Variants in TBCK observed in about 807,000 individuals in gnomAD.
TBCK encodes TBC domain-containing protein kinase-like protein.
TBCK carries 99 observed loss-of-function variants against 113.4 expected under a neutral mutation model. That is an observed-to-expected ratio of 0.87 (90% CI 0.74 to 1.03). TBCK has a LOEUF of 1.03. Among genes scored for constraint, TBCK ranks in the 50% least tolerant of loss-of-function variants. The pLI is 0.00. For missense variants in TBCK, 1,045 were observed against 1,061.3 expected, an observed-to-expected ratio of 0.98 and a Z score of 0.21; for synonymous variants, 369 against 370.8, an observed-to-expected ratio of 1.00 and a Z score of 0.05.
chr4:106,086,205 AAGAG>A (rs953338971), intron 25 of TBCK, among the ~76,000 whole-genome samples: 2 of 152,220 alleles, frequency 1.3e-5, no homozygotes, highest in African/African-American at 2.4e-5. Flanking sequence ...AATGAAGAAA[AAGAG>A]AGAAGAATCA....
intron 2 of TBCK, among the ~76,000 whole-genome samples, chr4:106,306,236 A>ATTT (rs60417567): frequency 3.3e-4 from 32 of 97,342 alleles, no homozygotes; most frequent in East Asian, 6.0e-4. Flanking sequence ...TGCCTGGCTA[A>ATTT]TTTTTTTTTT....
intron 23 of TBCK, among the ~76,000 whole-genome samples, chr4:106,153,859 G>A (rs984282692): frequency 1.7e-4 from 25 of 151,496 alleles, no homozygotes; most frequent in African/African-American, 6.1e-4. Flanking sequence ...TATTTTGTCT[G>A]ATGTAAATAT....
Position 106,236,453 on chromosome 4 carries a change from G to A in TBCK, c.1287C>T (p.Ile429=). 3 of 1,578,864 alleles carry A rather than the reference G, an allele frequency of 1.9e-6. No homozygotes were observed. The highest frequency in any genetic ancestry group is 1.4e-5 in the African/African-American group (1 of 73,664). Residue 429 remains isoleucine, a synonymous_variant, in exon 14 of 26, where the codon ATC becomes ATT. Coordinates refer to ENST00000394708, the MANE Select transcript of TBCK (RefSeq NM_001163435.3). ...GGTACTCTGTATCCTTCTCTCTGAT[G>A]ATTAAAGGGAGCGTGGCAGCTGCAG... The part of the protein sequence containing the change: ...ELSAAATLPL[I]IREKDTEYQL...
rs1346480637 is a variant in TBCK, at chr4:106,232,934, T to A, written c.1639+4A>T. 6.2e-7 allele frequency: 1 copy of A among 1,609,862 alleles called. No individual in the cohort carries two copies. Among genetic ancestry groups the A allele is most frequent in the Non-Finnish European group, 8.5e-7 (1 of 1,177,770 alleles). Reference sequence around the variant, plus strand: ...AGAGGAGTTTTAATGACTACAAAAGTTACCTTGCCAATACACAAGATCAGG... The same window carrying A: ...AGAGGAGTTTTAATGACTACAAAAGATACCTTGCCAATACACAAGATCAGG... On this transcript the variant is annotated splice_donor_region_variant and intron_variant, in intron 17 of 25. Transcript: ENST00000394708.
intron 23 of TBCK, among the ~76,000 whole-genome samples, chr4:106,153,086 T>C (rs1441618740): frequency 1.3e-5 from 2 of 152,078 alleles, no homozygotes; most frequent in African/African-American, 4.8e-5. Context: ...CTCTTTTCCT[T>C]ATTCTTTTCT....
intron 23 of TBCK, among the ~76,000 whole-genome samples, chr4:106,159,862 T>C (rs1457857615): frequency 6.6e-6 from 1 of 152,000 alleles, no homozygotes; most frequent in African/African-American, 2.4e-5. Context: ...AGACTCAGAC[T>C]TCCTGATTGC....
rs772253266 is a variant in TBCK, at chr4:106,308,899, T to C, written c.62A>G (p.His21Arg). Residue 21 changes from histidine (H) to arginine (R), a missense_variant, in exon 2 of 26, where the codon CAT (histidine) becomes CGT (arginine). Transcript: ENST00000394708. Reference protein sequence around the residue: ...AFTFFASALPHDVCGSNGLPL... With the variant: ...AFTFFASALPRDVCGSNGLPL... ...AAGTCCATTGCTTCCACAAACATCA[T>C]GTGGCAGAGCCGAGGCAAAGAAGGT... 3 of 1,614,174 alleles carry C rather than the reference T, an allele frequency of 1.9e-6. No homozygotes were observed. Among genetic ancestry groups the C allele is most frequent in the South Asian group, 1.1e-5 (1 of 91,084 alleles).
At position 106,075,147 on chromosome 4, in the gene TBCK, A is replaced by C. The variant is rs563234087; in HGVS notation, c.2571+20335T>G. ...CTGAGACACTTCAAAATTAGTGGGA[A>C]GGAAAAACAATAGGCCTACAGATCT... On this transcript the variant is annotated intron_variant, in intron 25 of 25. Transcript: ENST00000394708. 5.9e-5 allele frequency among the ~76,000 whole-genome samples: 9 copies of C among 152,364 alleles called. No homozygotes were observed. The South Asian group carries it at 1.9e-3, about 32-fold the overall frequency.
At chr4:106,263,772 A>C (rs1474761453) in intron 3 of TBCK, among the ~76,000 whole-genome samples, 1 of 151,962 alleles carries the variant, frequency 6.6e-6, no homozygotes, top group Non-Finnish European at 1.5e-5. Context: ...CCAGAGATAA[A>C]AGCTAAAATT....
intron 20 of TBCK, among the ~76,000 whole-genome samples, chr4:106,199,158 C>T (rs1754595014): frequency 6.6e-6 from 1 of 152,124 alleles, no homozygotes; most frequent in Non-Finnish European, 1.5e-5. Flanking sequence ...GCCTCCACCT[C>T]ACCACTGAAA....
chr4:106,285,901 T>A (rs1765064181), intron 3 of TBCK, among the ~76,000 whole-genome samples: 1 of 152,180 alleles, frequency 6.6e-6, no homozygotes. Context: ...TGATTAAAAT[T>A]GCAGTACATC....
intron 25 of TBCK, among the ~76,000 whole-genome samples, chr4:106,060,259 C>T (rs1189955127): frequency 6.6e-6 from 1 of 151,748 alleles, no homozygotes; most frequent in Non-Finnish European, 1.5e-5. Context: ...CCATCTAGGG[C>T]TTTCATAACT....
chr4:106,114,254 G>A (rs1393672046), intron 24 of TBCK, among the ~76,000 whole-genome samples: 3 of 152,158 alleles, frequency 2.0e-5, no homozygotes, highest in Non-Finnish European at 4.4e-5. Context: ...GGAAGGCGGG[G>A]AGGTTTTACA....
chr4:106,123,062 A>G (rs1744654317), intron 23 of TBCK, among the ~76,000 whole-genome samples: 3 of 152,336 alleles, frequency 2.0e-5, no homozygotes, highest in Admixed American at 2.0e-4. Flanking sequence ...AGGGTATTCA[A>G]TTAGGAAAAG....
Position 106,083,459 on chromosome 4 carries a change from C to T in TBCK, c.2571+12023G>A, listed in dbSNP as rs367567289. 1.2e-3 allele frequency among the ~76,000 whole-genome samples: 180 copies of T among 152,336 alleles called. 1 individual carries two copies. Among genetic ancestry groups the T allele is most frequent in the Admixed American group, 2.2e-3 (33 of 15,296 alleles). On this transcript the variant is annotated intron_variant, in intron 25 of 25. Coordinates refer to ENST00000394708, the MANE Select transcript of TBCK (RefSeq NM_001163435.3). ...CCCTGGGCCAGAGCCCCTGGGGGATCGGGGAGGTGGCCTCAGTCTCTGCAG... is the reference window on the plus strand; with the variant it reads ...CCCTGGGCCAGAGCCCCTGGGGGATTGGGGAGGTGGCCTCAGTCTCTGCAG...
intron 12 of TBCK, among the ~76,000 whole-genome samples, 184 bp from the exon 13 acceptor site, chr4:106,236,992 G>A (rs1759548566): frequency 6.6e-6 from 1 of 151,844 alleles, no homozygotes; most frequent in South Asian, 2.1e-4. Flanking sequence ...TACTGATTAC[G>A]GTTTGGCTGT....
chr4:106,281,803 T>C (rs747803055), intron 3 of TBCK, among the ~76,000 whole-genome samples: 1 of 152,026 alleles, frequency 6.6e-6, no homozygotes, highest in Non-Finnish European at 1.5e-5. Context: ...ATGTATTGTT[T>C]GCTAGTATTC....
intron 25 of TBCK, among the ~76,000 whole-genome samples, chr4:106,060,949 A>T (rs907338228): frequency 6.6e-5 from 10 of 151,756 alleles, no homozygotes; most frequent in African/African-American, 2.4e-4. Context: ...ATAGTAAAAG[A>T]ACTAGAATTA....
At chr4:106,177,576 TA>T (rs1053712396) in intron 22 of TBCK, among the ~76,000 whole-genome samples, 1 of 151,862 alleles carries the variant, frequency 6.6e-6, no homozygotes, top group Non-Finnish European at 1.5e-5. Context: ...CACCATTTAT[TA>T]AAAAAAACCT....
Sources: allele counts gnomAD v4.1 joint callset (sites outside exome capture counted in the v4.1 genomes callset), GRCh38; gene constraint gnomAD v4.1.1; transcripts MANE v1.5; gene names NCBI Gene and HGNC (gene_info 2026-07-23, HGNC 2026-07-21).